IGSF10: variants seen among roughly 807,000 people sequenced by gnomAD.
IGSF10 encodes immunoglobulin superfamily member 10.
Under a neutral mutation model 128.2 loss-of-function variants are expected in IGSF10, and 126 were observed. The observed-to-expected ratio is 0.98, with a 90% CI of 0.85 to 1.14. The LOEUF (loss-of-function observed/expected upper bound fraction) is 1.14, where lower values mean the gene tolerates loss of function less well. Among genes scored for constraint, IGSF10 ranks in the 50% most tolerant of loss-of-function variants. IGSF10 has a pLI of 0.00. For synonymous variants in IGSF10, 1,185 were observed against 1,146.2 expected, an observed-to-expected ratio of 1.03 and a Z score of -0.68; for missense variants, 3,295 against 3,149.8, an observed-to-expected ratio of 1.05 and a Z score of -1.10.
intron 7 of IGSF10, chr3:151,440,643 G>A (rs1416884408): frequency 2.2e-6 from 1 of 456,540 alleles, no homozygotes; most frequent in African/African-American, 2.0e-5. Flanking sequence ...CTTTCCTAAT[G>A]CTTTCTAAAA....
At chr3:151,500,882 T>C in the IGSF10 span, among the ~76,000 whole-genome samples, 1 of 152,114 alleles carries the variant, frequency 6.6e-6, no homozygotes, top group East Asian at 1.9e-4. Context: ...TTGTCATTTA[T>C]GTTCATATAT....
the IGSF10 span, among the ~76,000 whole-genome samples, chr3:151,538,649 C>T: frequency 2.0e-5 from 3 of 152,096 alleles, no homozygotes; most frequent in Non-Finnish European, 4.4e-5. Context: ...CATCAGACCC[C>T]GAGCAGAATT....
At position 151,447,677 on chromosome 3, in the gene IGSF10, C is replaced by T; in HGVS notation, c.2304G>A (p.Met768Ile). The T allele has an allele frequency of 6.2e-7, 1 of 1,614,144 alleles. No homozygotes were observed. Among genetic ancestry groups the T allele is most frequent in the Non-Finnish European group, 8.5e-7 (1 of 1,180,030 alleles). Residue 768 changes from methionine (M) to isoleucine (I), a missense_variant, in exon 6 of 8, where the codon ATG (methionine) becomes ATA (isoleucine). By Grantham distance (10) the Met-to-Ile change is conservative. Transcript: ENST00000282466. Reference protein sequence around the residue: ...ALLEKAKKNAMPDKRENTTVS... With the variant: ...ALLEKAKKNAIPDKRENTTVS... ...CTGTGGTATTTTCTCGCTTGTCTGGCATAGCATTCTTTTTAGCTTTCTCCA... is the reference window on the plus strand; with the variant it reads ...CTGTGGTATTTTCTCGCTTGTCTGGTATAGCATTCTTTTTAGCTTTCTCCA...
At chr3:151,487,008 C>T in the IGSF10 span, among the ~76,000 whole-genome samples, 7 of 87,556 alleles carry the variant, frequency 8.0e-5, no homozygotes, top group Non-Finnish European at 1.6e-4. Context: ...AGGAGATAGA[C>T]ATGAAATACC....
At chr3:151,548,601 T>C in the IGSF10 span, among the ~76,000 whole-genome samples, 18,530 of 152,280 alleles carry the variant, frequency 0.12, 1,425 homozygotes, top group Middle Eastern at 0.19. Flanking sequence ...CATTTTTGTT[T>C]TTCAGTGTCC....
At chr3:151,444,570 C>G (rs779325113) in intron 6 of IGSF10, among the ~76,000 whole-genome samples, 3 of 152,156 alleles carry the variant, frequency 2.0e-5, no homozygotes, top group Non-Finnish European at 4.4e-5. Context: ...TTGGCCTCCC[C>G]AAAGTGCTGG....
the IGSF10 span, among the ~76,000 whole-genome samples, chr3:151,618,469 G>A: frequency 7.2e-5 from 11 of 152,246 alleles, no homozygotes; most frequent in South Asian, 1.7e-3. Context: ...GGTGGCTCAC[G>A]CCTGTAATCC....
intron 5 of IGSF10, 113 bp downstream of exon 5, chr3:151,453,271 C>G (rs538098814): frequency 2.4e-6 from 2 of 836,166 alleles, no homozygotes; most frequent in Non-Finnish European, 3.7e-6. Context: ...TGAATTATTT[C>G]TGAGATGTTA....
the IGSF10 span, chr3:151,476,157 G>C: frequency 2.0e-5 from 3 of 152,116 alleles, no homozygotes; most frequent in Admixed American, 1.3e-4. Flanking sequence ...CTATTTTACT[G>C]CTGCTACTGC....
At chr3:151,436,064 G>A (rs993422475), downstream of IGSF10, 9 of 152,250 alleles carry the variant, frequency 5.9e-5, no homozygotes, top group East Asian at 1.9e-4. Flanking sequence ...TGATGTGCAG[G>A]TATTACATTG....
the IGSF10 span, among the ~76,000 whole-genome samples, chr3:151,588,075 T>G: frequency 2.6e-5 from 4 of 152,208 alleles, no homozygotes; most frequent in Admixed American, 2.0e-4. Flanking sequence ...AAGTGAGGTA[T>G]GAAATAAATA....
At chr3:151,561,562 C>T in the IGSF10 span, among the ~76,000 whole-genome samples, 4 of 152,172 alleles carry the variant, frequency 2.6e-5, no homozygotes, top group Non-Finnish European at 2.9e-5. Context: ...TTTTATTCAT[C>T]TCTATGTAAT....
At chr3:151,598,192 G>A in the IGSF10 span, among the ~76,000 whole-genome samples, 2 of 151,662 alleles carry the variant, frequency 1.3e-5, no homozygotes, top group South Asian at 2.1e-4. Context: ...TGGGTTTGTA[G>A]TGGATTGTAT....
the IGSF10 span, among the ~76,000 whole-genome samples, chr3:151,580,356 T>C: frequency 9.9e-6 from 1 of 100,880 alleles, no homozygotes. Flanking sequence ...GCAAAAGAAA[T>C]ACATCAGACA....
At chr3:151,577,092 T>G in the IGSF10 span, among the ~76,000 whole-genome samples, 1 of 152,190 alleles carries the variant, frequency 6.6e-6, no homozygotes, top group African/African-American at 2.4e-5. Context: ...TGGTTTTACG[T>G]TATATTTATT....
At chr3:151,491,996 A>AG in the IGSF10 span, among the ~76,000 whole-genome samples, 1 of 38,708 alleles carries the variant, frequency 2.6e-5, no homozygotes, top group East Asian at 9.8e-4. Context: ...CCACAAAAGC[A>AG]AAAATAAATG....
At chr3:151,542,970 T>C in the IGSF10 span, among the ~76,000 whole-genome samples, 2,645 of 152,302 alleles carry the variant, frequency 0.017, 77 homozygotes, top group African/African-American at 0.06. Flanking sequence ...GTGCTTTATC[T>C]TCACCAATTC....
At chr3:151,526,710 G>A in the IGSF10 span, among the ~76,000 whole-genome samples, 1 of 151,102 alleles carries the variant, frequency 6.6e-6, no homozygotes, top group Non-Finnish European at 1.5e-5. Flanking sequence ...TTCTTTTTCT[G>A]ATGCATTTGC....
At chr3:151,519,684 C>G in the IGSF10 span, among the ~76,000 whole-genome samples, 182 of 151,670 alleles carry the variant, frequency 1.2e-3, no homozygotes, top group Middle Eastern at 0.01. Context: ...GAAAGGCATG[C>G]TAAAAAGGCA....
Sources: gnomAD v4.1 joint callset for allele counts (sites outside exome capture counted in the v4.1 genomes callset) on GRCh38, gnomAD v4.1.1 for gene constraint, MANE v1.5 for transcripts, NCBI Gene and HGNC (gene_info 2026-07-23, HGNC 2026-07-21) for gene names.